EMCN: variants seen among roughly 807,000 people sequenced by gnomAD.
EMCN encodes endomucin.
Under a neutral mutation model 38.4 loss-of-function variants are expected in EMCN, and 37 were observed. The observed-to-expected ratio is 0.96, with a 90% CI of 0.74 to 1.27. The LOEUF is 1.27. Among genes scored for constraint, EMCN ranks in the 50% most tolerant of loss-of-function variants. The pLI is 0.00. For synonymous variants in EMCN, 95 were observed against 100.8 expected, an observed-to-expected ratio of 0.94 and a Z score of 0.35; for missense variants, 318 against 302.8, an observed-to-expected ratio of 1.05 and a Z score of -0.37.
At chr4:100,454,652 T>A (rs1009230587) in intron 4 of EMCN, among the ~76,000 whole-genome samples, 2 of 152,190 alleles carry the variant, frequency 1.3e-5, no homozygotes, top group Non-Finnish European at 1.5e-5. Context: ...TTGCTAAGCA[T>A]ACAATTTCTT....
chr4:100,413,258 G>T (rs775645424), intron 10 of EMCN, among the ~76,000 whole-genome samples: 1 of 152,000 alleles, frequency 6.6e-6, no homozygotes, highest in Non-Finnish European at 1.5e-5. Context: ...TCAGATATTT[G>T]TTCTATCAAT....
chr4:100,414,921 T>A (rs1402962870), intron 10 of EMCN, among the ~76,000 whole-genome samples: 2 of 152,196 alleles, frequency 1.3e-5, no homozygotes, highest in Non-Finnish European at 1.5e-5. Context: ...TTATTTTTTT[T>A]ATGAAGTCTC....
intron 4 of EMCN, among the ~76,000 whole-genome samples, chr4:100,462,786 A>C (rs1260671434): frequency 6.6e-6 from 1 of 152,178 alleles, no homozygotes; most frequent in African/African-American, 2.4e-5. Context: ...CCCATTAAAA[A>C]GAAGTAGTAG....
chr4:100,482,620 T>C (rs552314425), intron 1 of EMCN, among the ~76,000 whole-genome samples: 2 of 152,130 alleles, frequency 1.3e-5, no homozygotes, highest in African/African-American at 4.8e-5. Flanking sequence ...TGAAGGAACA[T>C]AGTGCGCATG....
chr4:100,485,656 T>G (rs1398236306), intron 1 of EMCN, among the ~76,000 whole-genome samples: 1 of 151,856 alleles, frequency 6.6e-6, no homozygotes, highest in African/African-American at 2.4e-5. Flanking sequence ...TAAAGTACTG[T>G]TTCCATATTT....
chr4:100,481,856 T>A (rs549745850), intron 1 of EMCN, among the ~76,000 whole-genome samples: 1 of 151,612 alleles, frequency 6.6e-6, no homozygotes, highest in South Asian at 2.1e-4. Flanking sequence ...CTTCCTTCCT[T>A]CCTTTCTTCC....
chr4:100,515,560 A>C (rs1279121204), intron 1 of EMCN, among the ~76,000 whole-genome samples: 1 of 152,174 alleles, frequency 6.6e-6, no homozygotes, highest in Non-Finnish European at 1.5e-5. Flanking sequence ...AAGAAAAGAA[A>C]AGTAGTCAAT....
intron 1 of EMCN, among the ~76,000 whole-genome samples, chr4:100,482,650 G>A (rs752552904): frequency 6.6e-6 from 1 of 152,010 alleles, no homozygotes; most frequent in Non-Finnish European, 1.5e-5. Context: ...AATACTGAAG[G>A]CGAACTGTAG....
chr4:100,419,471 C>T (rs761235740), intron 8 of EMCN, among the ~76,000 whole-genome samples: 2 of 152,014 alleles, frequency 1.3e-5, no homozygotes, highest in Non-Finnish European at 2.9e-5. Context: ...AATAGCTATC[C>T]GTAGTGGTAG....
chr4:100,405,019 T>A (rs545412368), intron 11 of EMCN, among the ~76,000 whole-genome samples: 1 of 152,246 alleles, frequency 6.6e-6, no homozygotes, highest in Non-Finnish European at 1.5e-5. Context: ...TCAGCTTGGA[T>A]GTTGTTGGTG....
intron 1 of EMCN, among the ~76,000 whole-genome samples, chr4:100,500,759 G>A (rs1298980539): frequency 2.0e-5 from 3 of 152,028 alleles, no homozygotes; most frequent in African/African-American, 7.2e-5. Context: ...AACAAATAAA[G>A]CATAATTTAC....
intron 3 of EMCN, among the ~76,000 whole-genome samples, chr4:100,467,873 C>T (rs1189801432): frequency 6.6e-6 from 1 of 152,058 alleles, no homozygotes; most frequent in Non-Finnish European, 1.5e-5. Context: ...TCTACTTTCC[C>T]CTACAAAACA....
chr4:100,508,458 C>G (rs1729541364), intron 1 of EMCN, among the ~76,000 whole-genome samples: 1 of 152,062 alleles, frequency 6.6e-6, no homozygotes, highest in South Asian at 2.1e-4. Context: ...CTGTATTTAA[C>G]AAAGAACAAG....
In EMCN at chr4:100,465,539, C is replaced by A; in HGVS notation, c.260G>T (p.Gly87Val). 6.3e-7 allele frequency: 1 copy of A among 1,576,988 alleles called. No individual in the cohort carries two copies. Among genetic ancestry groups the A allele is most frequent in the Non-Finnish European group, 8.7e-7 (1 of 1,152,496 alleles). The change falls in exon 4 of 12, where the codon GGA becomes GTA. Residue 87 changes from glycine (G) to valine (V), a missense_variant and splice_region_variant. Coordinates refer to ENST00000296420, the MANE Select transcript of EMCN (RefSeq NM_016242.4). ...TATFLTSKDE[G>V]LKATTTDVRK... ...GACATCAGTGGTTGTGGCTTTCAAT[C>A]CTATAAAAAGAATGAACAGTCATCA...
intron 3 of EMCN, among the ~76,000 whole-genome samples, chr4:100,473,373 G>GTTTTTTTGTT (rs1728540234): frequency 1.5e-5 from 1 of 66,014 alleles, no homozygotes; most frequent in Non-Finnish European, 3.0e-5. Context: ...GTGTTTTTTT[G>GTTTTTTTGTT]TTTTTTTTTT....
chr4:100,444,094 G>A (rs1174193290), intron 5 of EMCN, among the ~76,000 whole-genome samples: 1 of 152,180 alleles, frequency 6.6e-6, no homozygotes, highest in Non-Finnish European at 1.5e-5. Context: ...TTGGTGGGAG[G>A]GGTGCAGCAC....
intron 5 of EMCN, among the ~76,000 whole-genome samples, chr4:100,424,704 G>A (rs1274525297): frequency 1.3e-5 from 2 of 152,010 alleles, no homozygotes; most frequent in Admixed American, 6.6e-5. Flanking sequence ...GCAGAAAAAG[G>A]AATATTAAAT....
chr4:100,515,852 A>AAACC (rs879916680), intron 1 of EMCN, among the ~76,000 whole-genome samples: 3 of 152,108 alleles, frequency 2.0e-5, no homozygotes, highest in Non-Finnish European at 4.4e-5. Flanking sequence ...ACAAACAAAC[A>AAACC]AACAAACAAA....
chr4:100,501,573 A>G (rs1729350625), intron 1 of EMCN, among the ~76,000 whole-genome samples: 1 of 152,130 alleles, frequency 6.6e-6, no homozygotes, highest in Admixed American at 6.5e-5. Flanking sequence ...GCAGTTTTAT[A>G]CAAAATTATA....
Sources: gnomAD v4.1 joint callset for allele counts (sites outside exome capture counted in the v4.1 genomes callset) on GRCh38, gnomAD v4.1.1 for gene constraint, MANE v1.5 for transcripts, NCBI Gene and HGNC (gene_info 2026-07-23, HGNC 2026-07-21) for gene names.